DPP6: variants seen among roughly 807,000 people sequenced by gnomAD.
DPP6 encodes dipeptidyl peptidase like 6, also known as A-type potassium channel modulatory protein DPP6.
A neutral mutation model predicts 122.6 loss-of-function variants in DPP6; 69 were observed. The ratio of observed to expected loss-of-function variants is 0.56; its 90% CI spans 0.46 to 0.69. The LOEUF is 0.69. Ranked by LOEUF, DPP6 falls within the 30% of genes least tolerant of loss-of-function variation. The pLI is 0.00. For missense variants in DPP6, 928 were observed against 1,116.9 expected (o/e 0.83, Z 2.41); for synonymous variants, 418 against 433.1 (o/e 0.97, Z 0.43).
intron 1 of DPP6, among the ~76,000 whole-genome samples, chr7:154,360,843 G>T (rs538497580): frequency 2.6e-5 from 4 of 152,304 alleles, no homozygotes; most frequent in East Asian, 3.9e-4. Context: ...GCCTGCTCTG[G>T]CCCTGCCTTC....
intron 6 of DPP6, among the ~76,000 whole-genome samples, chr7:154,652,762 C>A (rs2131000105): frequency 6.6e-6 from 1 of 152,186 alleles, no homozygotes. Context: ...GTTTTTCACA[C>A]CTCTTATGTT....
At chr7:153,926,544 AG>A (rs1800908957) in intron 1 of DPP6, among the ~76,000 whole-genome samples, 1 of 152,174 alleles carries the variant, frequency 6.6e-6, no homozygotes, top group African/African-American at 2.4e-5. Flanking sequence ...AGGTGTCAGA[AG>A]GTAAGAGGTG....
At chr7:154,549,691 C>G (rs964016792) in intron 4 of DPP6, among the ~76,000 whole-genome samples, 3 of 152,086 alleles carry the variant, frequency 2.0e-5, no homozygotes, top group Admixed American at 6.5e-5. Flanking sequence ...CTTGGCTCTG[C>G]GAAGGCTCAT....
intron 3 of DPP6, among the ~76,000 whole-genome samples, chr7:154,505,297 G>T (rs1368220451): frequency 6.6e-6 from 1 of 152,134 alleles, no homozygotes; most frequent in African/African-American, 2.4e-5. Flanking sequence ...AGGTAGTACA[G>T]AAAGTTTCCA....
intron 8 of DPP6, among the ~76,000 whole-genome samples, chr7:154,744,964 T>G (rs1208633406): frequency 6.6e-6 from 1 of 152,246 alleles, no homozygotes; most frequent in Non-Finnish European, 1.5e-5. Flanking sequence ...GCATTCTGTT[T>G]TGATATGTAT....
chr7:153,959,502 G>A (rs1265376121), intron 1 of DPP6, among the ~76,000 whole-genome samples: 2 of 152,232 alleles, frequency 1.3e-5, no homozygotes, highest in Admixed American at 6.5e-5. Flanking sequence ...TTTTTCTTGT[G>A]CAGCTTCTCC....
intron 1 of DPP6, among the ~76,000 whole-genome samples, chr7:154,283,819 G>A (rs77535144): frequency 2.6e-5 from 4 of 152,230 alleles, no homozygotes; most frequent in South Asian, 2.1e-4. Flanking sequence ...ATTGGATATC[G>A]CACTCTCTGT....
intron 1 of DPP6, among the ~76,000 whole-genome samples, chr7:154,012,017 G>T (rs576741489): frequency 6.6e-6 from 1 of 152,166 alleles, no homozygotes. Flanking sequence ...ACTTTCATAT[G>T]TAATATCTTT....
intron 3 of DPP6, among the ~76,000 whole-genome samples, chr7:154,507,284 TTTTAC>T (rs1825735900): frequency 6.6e-6 from 1 of 152,168 alleles, no homozygotes; most frequent in African/African-American, 2.4e-5. Context: ...TAATTTTTTT[TTTTAC>T]TTTAAGTTCT....
intron 1 of DPP6, among the ~76,000 whole-genome samples, chr7:154,164,554 AC>A (rs199779704): frequency 2.6e-5 from 4 of 152,018 alleles, no homozygotes; most frequent in African/African-American, 7.2e-5. Flanking sequence ...TGGAACCATC[AC>A]CCCCAGTCTA....
At chr7:154,135,227 T>G in intron 1 of DPP6, among the ~76,000 whole-genome samples, 1 of 151,212 alleles carries the variant, frequency 6.6e-6, no homozygotes, top group Non-Finnish European at 1.5e-5. Flanking sequence ...TATACTTCTA[T>G]GAGCCCATAG....
At chr7:154,730,123 T>G (rs6977002) in intron 8 of DPP6, among the ~76,000 whole-genome samples, 3,135 of 152,282 alleles carry the variant, frequency 0.021, 113 homozygotes, top group African/African-American at 0.069. Flanking sequence ...TGCTGCCCTT[T>G]TGTGAGAAAA....
At chr7:154,004,921 C>T (rs1405563188) in intron 1 of DPP6, among the ~76,000 whole-genome samples, 2 of 151,968 alleles carry the variant, frequency 1.3e-5, no homozygotes, top group Non-Finnish European at 2.9e-5. Flanking sequence ...CATTTGTCGC[C>T]TATAATAGTT....
intron 5 of DPP6, among the ~76,000 whole-genome samples, chr7:154,631,593 G>C (rs1041606301): frequency 1.3e-5 from 2 of 151,996 alleles, no homozygotes; most frequent in African/African-American, 4.8e-5. Flanking sequence ...CTTGAGCATG[G>C]GAGGCAGTGG....
In DPP6 at chr7:154,435,985, C is replaced by T. The variant is rs1459808823; in HGVS notation, c.244-10229C>T. Reference sequence around the variant, plus strand: ...TTACGGTGCTCAATTCCACATTGGCCTGATATTTGACATATTTTAAGGCAC... The same window carrying T: ...TTACGGTGCTCAATTCCACATTGGCTTGATATTTGACATATTTTAAGGCAC... On this transcript the variant is annotated intron_variant, in intron 1 of 25. Transcript: ENST00000377770. 5.3e-5 allele frequency among the ~76,000 whole-genome samples: 8 copies of T among 152,160 alleles called. No homozygotes were observed. In the South Asian group the frequency reaches 1.2e-3, roughly 24 times the overall value.
At chr7:154,438,514 A>G (rs1586272903) in intron 1 of DPP6, among the ~76,000 whole-genome samples, 1 of 151,150 alleles carries the variant, frequency 6.6e-6, no homozygotes, top group Non-Finnish European at 1.5e-5. Context: ...AAAAAAAGAA[A>G]TATCTCCTAA....
chr7:154,671,466 G>A (rs1020559001), intron 7 of DPP6, among the ~76,000 whole-genome samples: 3 of 152,272 alleles, frequency 2.0e-5, no homozygotes, highest in Admixed American at 6.5e-5. Context: ...CTGCGGCCTC[G>A]CTTCTTATCA....
intron 1 of DPP6, among the ~76,000 whole-genome samples, chr7:154,336,463 C>G (rs1246212800): frequency 6.6e-6 from 1 of 152,112 alleles, no homozygotes; most frequent in Non-Finnish European, 1.5e-5. Flanking sequence ...AGAACGCAGC[C>G]ACACGGCCGC....
At chr7:154,358,718 T>C (rs1811476065) in intron 1 of DPP6, among the ~76,000 whole-genome samples, 1 of 152,222 alleles carries the variant, frequency 6.6e-6, no homozygotes, top group Admixed American at 6.5e-5. Flanking sequence ...TTTCTTCTTT[T>C]GTTTTGAGAT....
Sources: gnomAD v4.1 joint callset for allele counts (sites outside exome capture counted in the v4.1 genomes callset) on GRCh38, gnomAD v4.1.1 for gene constraint, MANE v1.5 for transcripts, NCBI Gene and HGNC (gene_info 2026-07-23, HGNC 2026-07-21) for gene names.